FSD1: variants seen among roughly 807,000 people sequenced by gnomAD.
FSD1 encodes the protein fibronectin type III and SPRY domain containing 1, also known as fibronectin type III and SPRY domain-containing protein 1.
Under a neutral mutation model 58.2 loss-of-function variants are expected in FSD1, and 23 were observed. The ratio of observed to expected loss-of-function variants is 0.40; its 90% CI spans 0.28 to 0.56. The LOEUF (loss-of-function observed/expected upper bound fraction) is 0.56, where lower values mean the gene tolerates loss of function less well. Among genes scored for constraint, FSD1 ranks in the 20% least tolerant of loss-of-function variants. The pLI, the probability that FSD1 is intolerant of heterozygous loss-of-function variation, is 0.54. For missense variants in FSD1, 563 were observed against 670.8 expected (o/e 0.84, Z 1.78); for synonymous variants, 265 against 263.4 (o/e 1.01, Z -0.06).
intron 4 of FSD1, among the ~76,000 whole-genome samples, chr19:4,309,183 G>C (rs1971660554): frequency 2.6e-5 from 4 of 152,216 alleles, no homozygotes; most frequent in Admixed American, 1.3e-4. Flanking sequence ...CAGAGTTCAA[G>C]GTTACAATGA....
chr19:4,309,176 A>G (rs1971660470), intron 4 of FSD1, among the ~76,000 whole-genome samples: 1 of 152,140 alleles, frequency 6.6e-6, no homozygotes, highest in South Asian at 2.1e-4. Flanking sequence ...TGAGCTCCAG[A>G]GTTCAAGGTT....
intron 3 of FSD1, 49 bp downstream of exon 3, chr19:4,306,378 G>C (rs757437818): frequency 1.2e-6 from 2 of 1,603,472 alleles, no homozygotes; most frequent in Non-Finnish European, 1.7e-6. Context: ...CTACTCAACA[G>C]AACGTAGCTG....
rs950126714 is a variant in FSD1, at chr19:4,311,885, A to T, written c.534A>T (p.Ala178=). ...PVIDLAESLV[A]DNCVTLVWRM... ...TCGACCTGGCTGAGTCCCTGGTGGC[A>T]GATAACTGTGTGACCCTGGTGTGGC... The change falls in exon 7 of 13, where the codon GCA becomes GCT. Residue 178 remains alanine (A), a synonymous_variant. Coordinates refer to ENST00000221856, the MANE Select transcript of FSD1 (RefSeq NM_024333.3). 1 of 1,614,188 alleles carries T rather than the reference A, an allele frequency of 6.2e-7. No homozygotes were observed. Among genetic ancestry groups the T allele is most frequent in the Non-Finnish European group, 8.5e-7 (1 of 1,180,040 alleles).
At chr19:4,306,743 C>CT (rs1568377845) in intron 3 of FSD1, among the ~76,000 whole-genome samples, 2 of 150,896 alleles carry the variant, frequency 1.3e-5, no homozygotes, top group African/African-American at 4.9e-5. Flanking sequence ...CATGAGCCCC[C>CT]GCGCCTGGCC....
At chr19:4,317,672 C>CT (rs1741328338) in intron 8 of FSD1, among the ~76,000 whole-genome samples, 1 of 152,168 alleles carries the variant, frequency 6.6e-6, no homozygotes, top group Admixed American at 6.6e-5. Context: ...AGCCCAGCCC[C>CT]TTTTTTGGGA....
Position 4,310,256 on chromosome 19 carries a change from T to C in FSD1, c.346-17T>C, listed in dbSNP as rs1000474710. On this transcript the variant is annotated splice_polypyrimidine_tract_variant and intron_variant, in intron 4 of 12. Transcript: ENST00000221856. ...AAAAAAAGAAATCTTTGAATGTTGT[T>C]CTGTTCCTCTCTCTAGGCTGCCAAG... is the stretch of plus-strand genomic sequence containing the variant. 2 of 1,614,100 alleles carry C rather than the reference T, an allele frequency of 1.2e-6. No homozygotes were observed. Among genetic ancestry groups the C allele is most frequent in the Non-Finnish European group, 8.5e-7 (1 of 1,179,946 alleles).
chr19:4,306,489 C>T (rs113144627), intron 3 of FSD1, among the ~76,000 whole-genome samples, 160 bp downstream of exon 3: 3,618 of 150,710 alleles, frequency 0.024, 113 homozygotes, highest in African/African-American at 0.07. Context: ...TTTTTTGAGA[C>T]GGAGGTCTCG....
At chr19:4,309,532 A>G (rs1971664296) in intron 4 of FSD1, among the ~76,000 whole-genome samples, 1 of 152,220 alleles carries the variant, frequency 6.6e-6, no homozygotes, top group African/African-American at 2.4e-5. Flanking sequence ...GGCACAGTCC[A>G]GAAGTGCAGG....
chr19:4,315,250 C>A (rs908175632), intron 7 of FSD1, among the ~76,000 whole-genome samples: 4 of 151,752 alleles, frequency 2.6e-5, no homozygotes, highest in Non-Finnish European at 4.4e-5. Context: ...CTCAACCTCC[C>A]AAGTAGCTTG....
intron 4 of FSD1, among the ~76,000 whole-genome samples, chr19:4,308,324 C>A (rs1971647913): frequency 6.6e-6 from 1 of 152,154 alleles, no homozygotes; most frequent in Admixed American, 6.6e-5. Context: ...GGGAGAATCG[C>A]TTGAACCTGG....
rs1373932578 is a variant in FSD1, at chr19:4,307,949, C to G, written c.311C>G (p.Thr104Ser). The G allele has an allele frequency of 9.3e-6, 15 of 1,613,900 alleles. No homozygotes were observed. In the East Asian group the frequency reaches 3.3e-4, roughly 36 times the overall value. The change falls in exon 4 of 13, where the codon ACT becomes AGT. Residue 104 changes from threonine (T) to serine (S), a missense_variant. By Grantham distance (58) the Thr-to-Ser change is moderately conservative. Coordinates refer to ENST00000221856, the MANE Select transcript of FSD1 (RefSeq NM_024333.3). ...GAGCTTCTGGAGACAGCCAACCAGA[C>G]TCTGCAGGCCATGGACAGCGAGGAC... ...SEELLETANQ[T>S]LQAMDSEDFP...
At position 4,317,271 on chromosome 19, in the gene FSD1, G is replaced by C. The variant is rs777105230; in HGVS notation, c.790G>C (p.Glu264Gln). ...AGAGTTCTCTGAGCCGGTGACTCTG[G>C]AGACACCAGGTGACTGGATTCCACC... ...AGEFSEPVTL[E>Q]TPAFMFRLDA... Residue 264 changes from glutamate to glutamine, a missense_variant, in exon 8 of 13, where the codon GAG becomes CAG. Transcript: ENST00000221856. The C allele has an allele frequency of 6.3e-7, 1 of 1,599,040 alleles. No individual in the cohort carries two copies. Among genetic ancestry groups the C allele is most frequent in the African/African-American group, 1.3e-5 (1 of 74,638 alleles).
chr19:4,308,226 G>A (rs923202257), intron 4 of FSD1, among the ~76,000 whole-genome samples: 5 of 151,712 alleles, frequency 3.3e-5, no homozygotes, highest in African/African-American at 7.3e-5. Context: ...TGGCCAACAC[G>A]GGGAAACCCC....
intron 9 of FSD1, 144 bp from the exon 10 acceptor site, chr19:4,318,728 T>C (rs910083227): frequency 2.7e-6 from 2 of 752,698 alleles, no homozygotes; most frequent in Non-Finnish European, 4.7e-6. Context: ...AAACATGAGG[T>C]GCTCGATATA....
At chr19:4,307,047 T>C (rs1306209832) in intron 3 of FSD1, among the ~76,000 whole-genome samples, 1 of 151,506 alleles carries the variant, frequency 6.6e-6, no homozygotes, top group African/African-American at 2.4e-5. Flanking sequence ...GGCCTAGGCA[T>C]GTGAGTTTTT....
rs771556879 is a variant in FSD1 at position 4,323,278 on chromosome 19, C to G, written c.1291+41C>G. Reference sequence around the variant, plus strand: ...AGCTGCCGTCTCTGGCTGCCCCTGCCTGAGTCCCCTCCGTCTGCCCCCATC... The same window carrying G: ...AGCTGCCGTCTCTGGCTGCCCCTGCGTGAGTCCCCTCCGTCTGCCCCCATC... On this transcript the variant is annotated intron_variant, in intron 11 of 12. Transcript: ENST00000221856. The surrounding 1 kb of genome is among the most constrained non-coding windows in gnomAD (Gnocchi z 7.7). 2.5e-6 allele frequency: 4 copies of G among 1,608,026 alleles called. No homozygotes were observed.
In FSD1 at chr19:4,312,224, C is replaced by T. The variant is rs370478248; in HGVS notation, c.700+173C>T. On this transcript the variant is annotated intron_variant, in intron 7 of 12. Coordinates refer to ENST00000221856, the MANE Select transcript of FSD1 (RefSeq NM_024333.3). ...GAGACAGTGGCCAGGCGCGGTGGCT[C>T]ATGCCTGTAATCCCAGCACTTTGGG... Among the ~76,000 whole-genome samples, 17 of 152,314 alleles carry T rather than the reference C, an allele frequency of 1.1e-4. No individual in the cohort carries two copies. In the East Asian group the frequency reaches 3.3e-3, roughly 29 times the overall value.
At chr19:4,317,804 G>A (rs1971770981) in intron 8 of FSD1, among the ~76,000 whole-genome samples, 1 of 152,186 alleles carries the variant, frequency 6.6e-6, no homozygotes, top group Admixed American at 6.5e-5. Context: ...GGATCACGAG[G>A]TCAGGAGTTC....
At position 4,306,218 on chromosome 19, in the gene FSD1, GGAGGACCTCGAAGCA is replaced by G; in HGVS notation, c.136_150del (p.Asp46_Glu50del). On this transcript the variant is annotated inframe_deletion, in exon 3 of 13. Coordinates refer to ENST00000221856, the MANE Select transcript of FSD1 (RefSeq NM_024333.3). ...CCCAGGCGAACTCGGCGAAGGTGCAGGAGGACCTCGAAGCAGAGTTCCAGTCCCTCTTCTCCCTCC... is the reference window on the plus strand; with the variant it reads ...CCCAGGCGAACTCGGCGAAGGTGCAGGAGTTCCAGTCCCTCTTCTCCCTCC... 6.2e-7 allele frequency: 1 copy of G among 1,614,040 alleles called. No homozygotes were observed. Among genetic ancestry groups the G allele is most frequent in the Non-Finnish European group, 8.5e-7 (1 of 1,179,974 alleles).
Sources: gnomAD v4.1 joint callset for allele counts (sites outside exome capture counted in the v4.1 genomes callset) on GRCh38, gnomAD v4.1.1 for gene constraint, Gnocchi (gnomAD v3.1) non-coding constraint, MANE v1.5 for transcripts, NCBI Gene and HGNC (gene_info 2026-07-23, HGNC 2026-07-21) for gene names.